Variants in ZNF398 observed in about 807,000 individuals in gnomAD.
ZNF398 encodes the protein zinc finger protein 398.
A neutral mutation model predicts 41.9 loss-of-function variants in ZNF398; 18 were observed. The ratio of observed to expected loss-of-function variants is 0.43; its 90% CI spans 0.30 to 0.64. ZNF398 has a LOEUF of 0.64. Ranked by LOEUF, ZNF398 falls within the 30% of genes least tolerant of loss-of-function variation. The pLI, the probability that ZNF398 is intolerant of heterozygous loss-of-function variation, is 0.14. For synonymous variants in ZNF398, 260 were observed against 308.8 expected, an observed-to-expected ratio of 0.84 and a Z score of 1.66; for missense variants, 669 against 822.8, an observed-to-expected ratio of 0.81 and a Z score of 2.29.
chr7:149,147,194 A>G (rs1826964427), upstream of ZNF398: 1 of 152,226 alleles, frequency 6.6e-6, no homozygotes, highest in African/African-American at 2.4e-5. The surrounding 1 kb of genome is among the most constrained non-coding windows in gnomAD (Gnocchi z 5.6). Context: ...CCGTGAAGAA[A>G]ATCACTCCCC....
At chr7:149,164,449 ACACTGAG>A (rs1394052311) in intron 2 of ZNF398, among the ~76,000 whole-genome samples, 2 of 152,058 alleles carry the variant, frequency 1.3e-5, no homozygotes, top group Admixed American at 1.3e-4. Context: ...AGAAAGAAAT[ACACTGAG>A]CACTAAAGTC....
At chr7:149,155,707 A>ATATATATATTT (rs1794954712) in intron 2 of ZNF398, among the ~76,000 whole-genome samples, 1 of 73,576 alleles carries the variant, frequency 1.4e-5, no homozygotes, top group Non-Finnish European at 2.4e-5. Context: ...ATATATATAT[A>ATATATATATTT]TTTTTTTTTT....
intron 3 of ZNF398, among the ~76,000 whole-genome samples, 169 bp downstream of exon 3, chr7:149,166,453 CT>C (rs1795227781): frequency 6.6e-6 from 1 of 152,208 alleles, no homozygotes; most frequent in South Asian, 2.1e-4. Context: ...GAATCATAAT[CT>C]CTCTTTTTAC....
rs932288485 is a variant in ZNF398 at position 149,180,486 on chromosome 7, C to G, written c.*685C>G. ...GATTATTAAGGAGAATATTCCTTAA[C>G]TATACTGGCTTGATTTGAAACAGGC... On this transcript the variant is annotated 3_prime_UTR_variant, in exon 6 of 6. Coordinates refer to ENST00000475153, the MANE Select transcript of ZNF398 (RefSeq NM_170686.3). 6.6e-6 allele frequency: 1 copy of G among 152,202 alleles called. No homozygotes were observed. The highest frequency in any genetic ancestry group is 6.5e-5 in the Admixed American group (1 of 15,284). The allele number at this position is 152,202 out of a possible 1,614,324, so 9.4% of individuals were successfully genotyped here.
chr7:149,182,988 C>T lies in ZNF398; in HGVS notation c.*3187C>T, dbSNP rs1014623279. Among the ~76,000 whole-genome samples, 14 of 146,632 alleles carry T rather than the reference C, an allele frequency of 9.5e-5. No individual in the cohort carries two copies. The highest frequency in any genetic ancestry group is 2.3e-4 in the African/African-American group (9 of 39,332). On this transcript the variant is annotated 3_prime_UTR_variant, in exon 6 of 6. Transcript: ENST00000475153. ...AACCAGGACCAGACCCTGTGACTTACTCGGTAATAACAGTCCACACAAGCC... is the reference window on the plus strand; with the variant it reads ...AACCAGGACCAGACCCTGTGACTTATTCGGTAATAACAGTCCACACAAGCC...
chr7:149,150,131 T>C (rs1171911430), intron 1 of ZNF398, among the ~76,000 whole-genome samples: 1 of 152,162 alleles, frequency 6.6e-6, no homozygotes, highest in Non-Finnish European at 1.5e-5. Context: ...GAAGAAAACT[T>C]AGATTCGGTT....
intron 1 of ZNF398, among the ~76,000 whole-genome samples, chr7:149,126,974 C>T (rs924065722): frequency 6.6e-6 from 1 of 152,208 alleles, no homozygotes; most frequent in Non-Finnish European, 1.5e-5. Context: ...GAAGCCACCC[C>T]GGCCTCGGGG....
At chr7:149,127,548 CAAAAAAAAAAA>C (rs61080328) in intron 1 of ZNF398, among the ~76,000 whole-genome samples, 1 of 74,902 alleles carries the variant, frequency 1.3e-5, no homozygotes, top group Non-Finnish European at 2.4e-5. Context: ...ACTAAAAATA[CAAAAAAAAAAA>C]AAAAAAAAAT....
At chr7:149,155,746 A>G (rs1284213239) in intron 2 of ZNF398, among the ~76,000 whole-genome samples, 1 of 39,222 alleles carries the variant, frequency 2.5e-5, no homozygotes, top group African/African-American at 8.8e-5. Context: ...TTTTTTTTTG[A>G]GATGGAGTCT....
In ZNF398 at chr7:149,182,146, T is replaced by C. The variant is rs1463574300; in HGVS notation, c.*2345T>C. ...GTGGATTGAAATGGCTGCAGATAGATCCCGCAGTCCCTTCTGAAAGGAACT... is the reference window on the plus strand; with the variant it reads ...GTGGATTGAAATGGCTGCAGATAGACCCCGCAGTCCCTTCTGAAAGGAACT... On this transcript the variant is annotated 3_prime_UTR_variant, in exon 6 of 6. Transcript: ENST00000475153. 1 of 152,108 alleles carries C rather than the reference T, an allele frequency of 6.6e-6. No individual in the cohort carries two copies. The highest frequency in any genetic ancestry group is 6.6e-5 in the Admixed American group (1 of 15,264). The allele number at this position is 152,108 out of a possible 1,614,324, so 9.4% of individuals were successfully genotyped here. A position where few individuals can be genotyped will look rare whatever the true frequency, so the allele number is the denominator to read the frequency against.
At chr7:149,141,606 C>A (rs1470852688) in intron 2 of ZNF398, among the ~76,000 whole-genome samples, 1 of 152,046 alleles carries the variant, frequency 6.6e-6, no homozygotes, top group East Asian at 1.9e-4. Flanking sequence ...AGGCGCCCGC[C>A]ACCACGCCTG....
chr7:149,136,700 T>C (rs1454404869), intron 2 of ZNF398, among the ~76,000 whole-genome samples: 1 of 152,076 alleles, frequency 6.6e-6, no homozygotes, highest in African/African-American at 2.4e-5. Context: ...CCCATGTAGC[T>C]GGGATTACAG....
chr7:149,150,015 A>T (rs1467031783), intron 1 of ZNF398, among the ~76,000 whole-genome samples: 1 of 152,168 alleles, frequency 6.6e-6, no homozygotes, highest in Non-Finnish European at 1.5e-5. Flanking sequence ...ACAGATTGAC[A>T]CTAAGAAAGG....
Position 149,179,582 on chromosome 7 carries a change from C to T in ZNF398, c.1710C>T (p.Ser570=). The T allele has an allele frequency of 6.2e-7, 1 of 1,614,232 alleles. No homozygotes were observed. The highest frequency in any genetic ancestry group is 1.1e-5 in the South Asian group (1 of 91,088). ...CCGGGGAGCGGCCCTACCCCTGCTC[C>T]TACTGTGGCAGGAGCTTCCGCTACA... is the stretch of plus-strand genomic sequence containing the variant. The part of the protein sequence containing the change: ...IHTGERPYPC[S]YCGRSFRYKQ... Residue 570 remains serine (S), a synonymous_variant, in exon 6 of 6, where the codon TCC becomes TCT. Transcript: ENST00000475153. This position sits in a 1 kb window ranked among gnomAD's most constrained non-coding sequence, Gnocchi z 6.1.
At chr7:149,151,391 G>A in intron 1 of ZNF398, 1 of 375,724 alleles carries the variant, frequency 2.7e-6, no homozygotes, top group South Asian at 4.5e-5. Flanking sequence ...AATGGTCAAA[G>A]GACTAGGTGA....
At chr7:149,164,355 C>T (rs1795180362) in intron 2 of ZNF398, among the ~76,000 whole-genome samples, 1 of 151,722 alleles carries the variant, frequency 6.6e-6, no homozygotes. Flanking sequence ...TTCAGTGAGC[C>T]AAGATCGCAC....
At chr7:149,174,843 CA>C (rs918504335) in intron 4 of ZNF398, among the ~76,000 whole-genome samples, 1 of 152,106 alleles carries the variant, frequency 6.6e-6, no homozygotes, top group African/African-American at 2.4e-5. Context: ...AACAAACAAA[CA>C]AAAGTCAGAT....
Position 149,154,003 on chromosome 7 carries a change from C to G in ZNF398, c.83C>G (p.Pro28Arg). ...CTGCAGCCCCTTCCTCTTCCTACAC[C>G]CCCAGCAGCAAATGAGGCACACCTG... is the stretch of plus-strand genomic sequence containing the variant. The part of the protein sequence containing the change: ...TSLQPLPLPT[P>R]PAANEAHLQT... The change falls in exon 2 of 6, where the codon CCC (proline) becomes CGC (arginine). Residue 28 changes from proline to arginine, a missense_variant. Physicochemically the swap from Pro to Arg is moderately radical, Grantham distance 103. Around this residue, in one of 3 missense-constraint regions of ZNF398, gnomAD observed 169 missense variants for 239.5 expected, o/e 0.71. Transcript: ENST00000475153. 6.2e-7 allele frequency: 1 copy of G among 1,614,094 alleles called. No homozygotes were observed.
At chr7:149,165,608 G>T (rs1795212029) in intron 2 of ZNF398, among the ~76,000 whole-genome samples, 2 of 152,160 alleles carry the variant, frequency 1.3e-5, no homozygotes, top group Non-Finnish European at 2.9e-5. Flanking sequence ...GAATTTTGAA[G>T]TTTAATTTTG....
Sources: gnomAD v4.1 joint callset for allele counts (sites outside exome capture counted in the v4.1 genomes callset) on GRCh38, gnomAD v4.1.1 for gene constraint, gnomAD v4.1.1 regional missense constraint, Gnocchi (gnomAD v3.1) non-coding constraint, MANE v1.5 for transcripts, NCBI Gene and HGNC (gene_info 2026-07-23, HGNC 2026-07-21) for gene names.